The following ADAM12 variants were observed in gnomAD, a reference collection of about 807,000 sequenced individuals.
The protein encoded by ADAM12 is ADAM metallopeptidase domain 12.
In ADAM12, 70 loss-of-function variants were observed where a neutral mutation model predicts 106.4. The observed-to-expected ratio is 0.66, with a 90% CI of 0.54 to 0.80. The LOEUF (loss-of-function observed/expected upper bound fraction) is 0.80. ADAM12 is among the 30% of genes least tolerant of loss of function. The probability of loss-of-function intolerance (pLI) is 0.00; values close to 1 mark genes in which losing one functional copy is unlikely to be tolerated. For synonymous variants in ADAM12, 420 were observed against 433.5 expected, an observed-to-expected ratio of 0.97 and a Z score of 0.39; for missense variants, 1,010 against 1,171.9, an observed-to-expected ratio of 0.86 and a Z score of 2.02.
chr10:126,274,478 T>G (rs1383835268), intron 3 of ADAM12, among the ~76,000 whole-genome samples: 2 of 152,182 alleles, frequency 1.3e-5, no homozygotes, highest in Non-Finnish European at 2.9e-5. Flanking sequence ...ATTTATTTTT[T>G]TGTTAACCCA....
intron 3 of ADAM12, among the ~76,000 whole-genome samples, chr10:126,177,478 T>A (rs528444558): frequency 6.6e-6 from 1 of 152,200 alleles, no homozygotes; most frequent in Admixed American, 6.5e-5. Flanking sequence ...AGAGATTACA[T>A]AGCTTAAGAC....
At chr10:126,118,254 T>C (rs1287620389) in intron 5 of ADAM12, 30 bp from the exon 6 acceptor site, 8 of 1,546,330 alleles carry the variant, frequency 5.2e-6, no homozygotes, top group Middle Eastern at 1.7e-4. Context: ...AAAAAATATA[T>C]AATTTTAAGG....
intron 3 of ADAM12, 52 bp downstream of exon 3, chr10:126,278,863 T>C: frequency 7.2e-7 from 1 of 1,382,598 alleles, no homozygotes; most frequent in Non-Finnish European, 1.0e-6. Flanking sequence ...CACTTTTCTG[T>C]CCATGGTGTC....
intron 2 of ADAM12, among the ~76,000 whole-genome samples, chr10:126,320,465 TAGG>T (rs1854057272): frequency 6.6e-6 from 1 of 152,176 alleles, no homozygotes; most frequent in African/African-American, 2.4e-5. Context: ...AGGGAAAGAA[TAGG>T]AGGATTTAAA....
chr10:126,051,672 G>T (rs1710284), intron 14 of ADAM12, among the ~76,000 whole-genome samples: 79,573 of 148,810 alleles, frequency 0.53, 21,400 homozygotes, highest in Admixed American at 0.63. Context: ...CATCCATCCA[G>T]CCAGCCAGCC....
chr10:126,119,148 C>A (rs1956040833), intron 5 of ADAM12, among the ~76,000 whole-genome samples: 1 of 152,108 alleles, frequency 6.6e-6, no homozygotes, highest in South Asian at 2.1e-4. Context: ...GAGGTCCGGC[C>A]TCTGGATCCT....
intron 16 of ADAM12, among the ~76,000 whole-genome samples, chr10:126,048,281 C>A (rs1954380201): frequency 6.6e-6 from 1 of 152,156 alleles, no homozygotes; most frequent in Non-Finnish European, 1.5e-5. Context: ...ACATGTACCC[C>A]TGAACCTAAA....
intron 1 of ADAM12, among the ~76,000 whole-genome samples, chr10:126,355,733 T>C (rs1017861070): frequency 3.3e-5 from 5 of 152,188 alleles, no homozygotes; most frequent in African/African-American, 1.2e-4. Flanking sequence ...TCATAAAGAA[T>C]GCTCGAGGTA....
intron 22 of ADAM12, among the ~76,000 whole-genome samples, chr10:126,019,220 C>G (rs1953714466): frequency 1.3e-5 from 2 of 152,184 alleles, no homozygotes; most frequent in South Asian, 4.1e-4. Flanking sequence ...TTTCCTGAGG[C>G]CTCCCCGGAA....
chr10:126,140,798 C>T (rs943931362), intron 4 of ADAM12, among the ~76,000 whole-genome samples: 4 of 152,186 alleles, frequency 2.6e-5, no homozygotes, highest in Non-Finnish European at 4.4e-5. Context: ...TTTCGCAACT[C>T]AGCAAGACAT....
intron 8 of ADAM12, among the ~76,000 whole-genome samples, chr10:126,102,914 C>G (rs1955695587): frequency 6.6e-6 from 1 of 152,126 alleles, no homozygotes; most frequent in Admixed American, 6.5e-5. Context: ...ACAAAGGTAA[C>G]AGTGATCAGA....
At chr10:126,336,821 T>C (rs1184147612) in intron 1 of ADAM12, among the ~76,000 whole-genome samples, 2 of 152,080 alleles carry the variant, frequency 1.3e-5, no homozygotes, top group African/African-American at 2.4e-5. Context: ...ATTACGAAGA[T>C]GTAGGCAGGT....
chr10:126,378,949 T>C (rs914414674), intron 1 of ADAM12, among the ~76,000 whole-genome samples: 18 of 152,192 alleles, frequency 1.2e-4, no homozygotes, highest in African/African-American at 3.6e-4. Flanking sequence ...GGAATGTACC[T>C]TTCCATAGGC....
chr10:126,263,426 C>A (rs1468981092), intron 3 of ADAM12, among the ~76,000 whole-genome samples: 1 of 152,112 alleles, frequency 6.6e-6, no homozygotes. Flanking sequence ...TTTCCTTTCC[C>A]TTGGCTCAGT....
chr10:126,101,037 T>TC (rs1244894586), intron 9 of ADAM12, 35 bp downstream of exon 9: 27 of 1,287,616 alleles, frequency 2.1e-5, no homozygotes, highest in Non-Finnish European at 2.8e-5. Flanking sequence ...AGAGCACTCC[T>TC]TTTTTTTTTA....
chr10:126,137,774 C>T (rs888996922), intron 4 of ADAM12, among the ~76,000 whole-genome samples: 2 of 152,206 alleles, frequency 1.3e-5, no homozygotes, highest in African/African-American at 4.8e-5. Context: ...ACATATTTTG[C>T]TTATCCAAGT....
chr10:126,174,116 C>A (rs2133769406), intron 3 of ADAM12, among the ~76,000 whole-genome samples: 1 of 142,816 alleles, frequency 7.0e-6, no homozygotes, highest in African/African-American at 2.6e-5. Flanking sequence ...TCAAGCCATT[C>A]TCCTGCCTCA....
rs979386252 is a variant in ADAM12, at chr10:126,118,365, C to T, written c.417-141G>A. 1.3e-4 allele frequency: 85 copies of T among 652,868 alleles called. 1 individual carries two copies. The East Asian group carries it at 1.7e-3, about 13-fold the overall frequency. The allele number at this position is 652,868 out of a possible 1,614,324, so 40.4% of individuals were successfully genotyped here. Reference sequence around the variant, plus strand: ...ATTCTCAGATTTTGATTGGAAAGGACGTTTCTGTGACATATGTTTGCATTG... The same window carrying T: ...ATTCTCAGATTTTGATTGGAAAGGATGTTTCTGTGACATATGTTTGCATTG... On this transcript the variant is annotated intron_variant, in intron 5 of 22. Coordinates refer to ENST00000448723, the MANE Select transcript of ADAM12 (RefSeq NM_001288973.2).
At chr10:126,033,252 A>T (rs994506877) in intron 21 of ADAM12, among the ~76,000 whole-genome samples, 2 of 151,828 alleles carry the variant, frequency 1.3e-5, no homozygotes, top group Admixed American at 6.6e-5. Flanking sequence ...GTAAATCAGA[A>T]TTTTTTTTTA....
Sources: allele counts gnomAD v4.1 joint callset (sites outside exome capture counted in the v4.1 genomes callset), GRCh38; gene constraint gnomAD v4.1.1; transcripts MANE v1.5; gene names NCBI Gene and HGNC (gene_info 2026-07-23, HGNC 2026-07-21).